The following TOM1L1 variants were observed in gnomAD, a reference collection of about 807,000 sequenced individuals.
The protein encoded by TOM1L1 is target of myb1 like 1 membrane trafficking protein.
TOM1L1 carries 64 observed loss-of-function variants against 63.4 expected under a neutral mutation model. The ratio of observed to expected loss-of-function variants is 1.01; its 90% CI spans 0.83 to 1.24. TOM1L1 has a LOEUF of 1.24. TOM1L1 is among the 50% of genes most tolerant of loss of function. The pLI is 0.00. For missense variants in TOM1L1, 536 were observed against 567.0 expected, an observed-to-expected ratio of 0.95 and a Z score of 0.55; for synonymous variants, 166 against 194.4, an observed-to-expected ratio of 0.85 and a Z score of 1.22.
At chr17:54,915,613 ATTAAAT>A (rs2048574368) in intron 6 of TOM1L1, 127 bp from the exon 7 acceptor site, 3 of 522,778 alleles carry the variant, frequency 5.7e-6, no homozygotes, top group African/African-American at 2.0e-5. Context: ...TTTATATGAA[ATTAAAT>A]TTAAGTTTGA....
At chr17:54,947,153 T>C (rs978530549) in intron 11 of TOM1L1, 108 bp from the exon 12 acceptor site, 64 of 1,018,548 alleles carry the variant, frequency 6.3e-5, no homozygotes, top group Non-Finnish European at 9.3e-5. Context: ...CTTTATGCAG[T>C]CTGAAGGTAC....
chr17:54,915,962 C>A, intron 7 of TOM1L1, 100 bp downstream of exon 7: 2 of 702,156 alleles, frequency 2.8e-6, no homozygotes, highest in Non-Finnish European at 4.8e-6. Context: ...TTGTCTAGTA[C>A]ATCCTCCTAC....
chr17:54,937,606 G>A, intron 10 of TOM1L1: 1 of 168,832 alleles, frequency 5.9e-6, no homozygotes, highest in East Asian at 1.7e-4. Flanking sequence ...TGCAAGCGGA[G>A]AAATTCAGGG....
In TOM1L1 at chr17:54,930,138, C is replaced by T. The variant is rs143987970; in HGVS notation, c.786C>T (p.Asn262=). 6.0e-5 allele frequency: 97 copies of T among 1,613,994 alleles called. No homozygotes were observed. In the African/African-American group the frequency reaches 1.1e-3, roughly 18 times the overall value. ...TGGACCTGCTTGTGGTGGTGGAGAACGAAGATGTAACTGTTGAGCTAATTC... is the reference window on the plus strand; with the variant it reads ...TGGACCTGCTTGTGGTGGTGGAGAATGAAGATGTAACTGTTGAGCTAATTC... ...RIMDLLVVVE[N]EDVTVELIQV... is the part of the protein sequence containing the mutation. The change falls in exon 8 of 16, where the codon AAC becomes AAT. Residue 262 remains asparagine (N), a synonymous_variant. Coordinates refer to ENST00000575882, the MANE Select transcript of TOM1L1 (RefSeq NM_005486.3).
intron 4 of TOM1L1, 42 bp from the exon 5 acceptor site, chr17:54,913,706 T>C (rs2048535255): frequency 6.4e-7 from 1 of 1,557,912 alleles, no homozygotes; most frequent in Admixed American, 2.0e-5. Flanking sequence ...TTGGTTTTGT[T>C]GCTGTTTTAA....
chr17:54,914,685 C>T lies in TOM1L1; in HGVS notation c.545C>T (p.Pro182Leu). 6.2e-7 allele frequency: 1 copy of T among 1,613,982 alleles called. No individual in the cohort carries two copies. The highest frequency in any genetic ancestry group is 8.5e-7 in the Non-Finnish European group (1 of 1,179,904). ...SNPPTSVPTA[P>L]ALSSVIAPKN... ...CCTCCAACATCTGTCCCTACTGCAC[C>T]AGCTCTTTCTTCTGTAATTGCTCCA... Residue 182 changes from proline to leucine, a missense_variant, in exon 6 of 16, where the codon CCA (proline) becomes CTA (leucine). Transcript: ENST00000575882.
At position 54,915,986 on chromosome 17, in the gene TOM1L1, T is replaced by C. The variant is rs570961936; in HGVS notation, c.720+124T>C. 41 of 585,276 alleles carry C rather than the reference T, an allele frequency of 7.0e-5. No homozygotes were observed. The South Asian group carries it at 1.1e-3, about 16-fold the overall frequency. 36.3% of individuals were successfully genotyped at this position (585,276 alleles called of 1,614,324 possible). A position where few individuals can be genotyped will look rare whatever the true frequency, so the allele number is the denominator to read the frequency against. Reference sequence around the variant, plus strand: ...ACATCCTCCTACATCCTGATTTCAGTTGATTTCTAAACTTAACAAAAATAT... The same window carrying C: ...ACATCCTCCTACATCCTGATTTCAGCTGATTTCTAAACTTAACAAAAATAT... On this transcript the variant is annotated intron_variant, in intron 7 of 15. Transcript: ENST00000575882.
At chr17:54,906,879 T>C in intron 3 of TOM1L1, 5 of 911,438 alleles carry the variant, frequency 5.5e-6, no homozygotes, top group Non-Finnish European at 5.2e-6. Context: ...CTGCACGCCT[T>C]TGTTTATCTC....
At chr17:54,955,130 A>G (rs1368031093) in intron 14 of TOM1L1, 3 of 152,184 alleles carry the variant, frequency 2.0e-5, no homozygotes, top group African/African-American at 7.2e-5. Flanking sequence ...GATGACACAA[A>G]TCCCACAACT....
intron 7 of TOM1L1, among the ~76,000 whole-genome samples, chr17:54,929,743 T>TG (rs2048826632): frequency 6.7e-6 from 1 of 149,656 alleles, no homozygotes; most frequent in Non-Finnish European, 1.5e-5. Flanking sequence ...AAACATGTGT[T>TG]TTTTTTTTTT....
At chr17:54,932,520 G>T (rs1358702804) in intron 8 of TOM1L1, among the ~76,000 whole-genome samples, 1 of 152,026 alleles carries the variant, frequency 6.6e-6, no homozygotes, top group Non-Finnish European at 1.5e-5. Context: ...ACAATATGAG[G>T]AGTAGTCTCC....
chr17:54,938,346 T>C (rs367794654), intron 10 of TOM1L1, among the ~76,000 whole-genome samples: 2 of 151,966 alleles, frequency 1.3e-5, no homozygotes, highest in African/African-American at 4.8e-5. Context: ...ATACAAAAAT[T>C]AGCCGGGAGT....
chr17:54,928,602 A>G (rs939406151), intron 7 of TOM1L1, among the ~76,000 whole-genome samples: 2 of 152,166 alleles, frequency 1.3e-5, no homozygotes, highest in African/African-American at 4.8e-5. Context: ...GGTTGCTTTT[A>G]CACTACAGTG....
chr17:54,905,373 G>A (rs2048393019), intron 2 of TOM1L1, 116 bp from the exon 3 acceptor site: 1 of 687,362 alleles, frequency 1.5e-6, no homozygotes, highest in Admixed American at 2.8e-5. Flanking sequence ...TAGAACCAAG[G>A]CCTTAGTTTT....
intron 14 of TOM1L1, chr17:54,953,978 C>CT (rs1429544711): frequency 6.6e-6 from 1 of 152,170 alleles, no homozygotes; most frequent in African/African-American, 2.4e-5. Flanking sequence ...TTCTATTTCT[C>CT]TGAGATTTCC....
At chr17:54,939,937 G>T (rs1415134855) in intron 11 of TOM1L1, among the ~76,000 whole-genome samples, 1 of 152,196 alleles carries the variant, frequency 6.6e-6, no homozygotes, top group Non-Finnish European at 1.5e-5. Context: ...AGTTTGTATA[G>T]CCAGTAAGTA....
intron 7 of TOM1L1, among the ~76,000 whole-genome samples, chr17:54,925,656 C>T (rs1376075531): frequency 6.6e-6 from 1 of 152,186 alleles, no homozygotes; most frequent in African/African-American, 2.4e-5. Context: ...GTAATCTCAG[C>T]ACTTTGGGAG....
intron 8 of TOM1L1, among the ~76,000 whole-genome samples, chr17:54,934,550 A>C (rs952514343): frequency 7.9e-5 from 12 of 152,048 alleles, no homozygotes; most frequent in Middle Eastern, 3.4e-3. Flanking sequence ...AAATACATTC[A>C]CCCTATTCCA....
chr17:54,913,794 A>G lies in TOM1L1; in HGVS notation c.419A>G (p.Lys140Arg). The change falls in exon 5 of 16, where the codon AAA becomes AGA. Residue 140 changes from lysine (K) to arginine (R), a missense_variant. By Grantham distance (26) the Lys-to-Arg change is conservative (BLOSUM62 2). Transcript: ENST00000575882. ...GGAGGTGTGGATGTAAGCGAAGTCA[A>G]AGAAGTATACCTCGACCTGGTTAAG... is the stretch of plus-strand genomic sequence containing the variant. Reference protein sequence around the residue: ...FPGGVDVSEVKEVYLDLVKKG... With the variant: ...FPGGVDVSEVREVYLDLVKKG... The G allele has an allele frequency of 6.2e-7, 1 of 1,612,794 alleles. No homozygotes were observed. The highest frequency in any genetic ancestry group is 8.5e-7 in the Non-Finnish European group (1 of 1,179,184).
Sources: gnomAD v4.1 joint callset for allele counts (sites outside exome capture counted in the v4.1 genomes callset) on GRCh38, gnomAD v4.1.1 for gene constraint, MANE v1.5 for transcripts, NCBI Gene and HGNC (gene_info 2026-07-23, HGNC 2026-07-21) for gene names.